The following PDGFD variants were observed in gnomAD, a reference collection of about 807,000 sequenced individuals.
PDGFD encodes platelet derived growth factor D.
In PDGFD, 30 loss-of-function variants were observed where a neutral mutation model predicts 44.7. That is an observed-to-expected ratio of 0.67 (90% CI 0.50 to 0.91). The LOEUF (loss-of-function observed/expected upper bound fraction) is 0.91. PDGFD is among the 40% of genes least tolerant of loss of function. The pLI is 0.00. For missense variants in PDGFD, 445 were observed against 457.8 expected (o/e 0.97, Z 0.25); for synonymous variants, 173 against 168.4 (o/e 1.03, Z -0.21).
In PDGFD at chr11:104,112,625, T is replaced by C. The variant is rs566761725; in HGVS notation, c.124+51179A>G. Among the ~76,000 whole-genome samples the C allele has an allele frequency of 1.3e-4, 20 of 152,184 alleles. No homozygotes were observed. In the South Asian group the frequency reaches 3.9e-3, roughly 30 times the overall value. On this transcript the variant is annotated intron_variant, in intron 1 of 6. Coordinates refer to ENST00000393158, the MANE Select transcript of PDGFD (RefSeq NM_025208.5). ...GGTAAAGACATGGAATCAACCTAAATGCCCATCGATGATAGACTGCATAAA... is the reference window on the plus strand; with the variant it reads ...GGTAAAGACATGGAATCAACCTAAACGCCCATCGATGATAGACTGCATAAA...
chr11:103,911,752 T>G (rs1858031865), intron 6 of PDGFD, among the ~76,000 whole-genome samples: 1 of 151,996 alleles, frequency 6.6e-6, no homozygotes, highest in Non-Finnish European at 1.5e-5. Context: ...GATGAATTGC[T>G]AACTAGAATA....
At chr11:103,929,024 A>G (rs188537601) in intron 5 of PDGFD, among the ~76,000 whole-genome samples, 7 of 152,288 alleles carry the variant, frequency 4.6e-5, no homozygotes, top group Admixed American at 3.9e-4. Flanking sequence ...TACAATTAGC[A>G]GGAAGGGATC....
At chr11:104,014,545 G>T (rs764450644) in intron 1 of PDGFD, among the ~76,000 whole-genome samples, 2 of 152,134 alleles carry the variant, frequency 1.3e-5, no homozygotes, top group Non-Finnish European at 2.9e-5. Context: ...CTTTCTTGTG[G>T]GACCTCCTAC....
intron 6 of PDGFD, among the ~76,000 whole-genome samples, chr11:103,921,383 T>G (rs1858216344): frequency 6.6e-6 from 1 of 152,014 alleles, no homozygotes; most frequent in African/African-American, 2.4e-5. Context: ...ATTTAGGTAC[T>G]TTTTTTTCAA....
chr11:104,001,197 T>C (rs1859614076), intron 1 of PDGFD, among the ~76,000 whole-genome samples: 1 of 152,204 alleles, frequency 6.6e-6, no homozygotes, highest in South Asian at 2.1e-4. Flanking sequence ...CCATCAATCA[T>C]GACTGCATAA....
intron 1 of PDGFD, among the ~76,000 whole-genome samples, chr11:104,095,279 T>A (rs878934322): frequency 6.6e-6 from 1 of 152,046 alleles, no homozygotes; most frequent in South Asian, 2.1e-4. Context: ...ATGGAAAGAG[T>A]TTGACGTTTT....
In PDGFD at chr11:103,985,629, T is replaced by A. The variant is rs1433079560; in HGVS notation, c.510+10436A>T. 5.3e-5 allele frequency among the ~76,000 whole-genome samples: 8 copies of A among 149,686 alleles called. 1 individual carries two copies. Among genetic ancestry groups the A allele is most frequent in the African/African-American group, 2.0e-4 (8 of 39,238 alleles). ...GATGAGGAATCCTGAGGTGACTAGG[T>A]TATCAGGGAATAGTTCTGTTTGTCT... On this transcript the variant is annotated intron_variant, in intron 3 of 6. Coordinates refer to ENST00000393158, the MANE Select transcript of PDGFD (RefSeq NM_025208.5).
At chr11:103,969,058 T>C (rs1051617789) in intron 3 of PDGFD, among the ~76,000 whole-genome samples, 1 of 152,208 alleles carries the variant, frequency 6.6e-6, no homozygotes, top group Non-Finnish European at 1.5e-5. Context: ...TTAGGTCTGA[T>C]GTAGATGCTC....
At chr11:104,037,338 C>T in intron 1 of PDGFD, 6 of 1,614,096 alleles carry the variant, frequency 3.7e-6, no homozygotes, top group Non-Finnish European at 5.1e-6. Flanking sequence ...AAGCCCTGCT[C>T]AGCGGAAGCC....
chr11:103,923,813 T>C (rs1858262411), intron 6 of PDGFD, among the ~76,000 whole-genome samples: 1 of 152,224 alleles, frequency 6.6e-6, no homozygotes, highest in South Asian at 2.1e-4. Context: ...GATGTTTATT[T>C]TTCCTTTCAT....
intron 6 of PDGFD, among the ~76,000 whole-genome samples, chr11:103,910,828 G>C (rs1488053914): frequency 1.3e-5 from 2 of 152,212 alleles, no homozygotes; most frequent in African/African-American, 4.8e-5. Context: ...AAGATCCACT[G>C]GCTTGAAATT....
intron 3 of PDGFD, among the ~76,000 whole-genome samples, chr11:103,976,285 T>G (rs2134348042): frequency 6.6e-6 from 1 of 152,276 alleles, no homozygotes; most frequent in African/African-American, 2.4e-5. Context: ...TTTTTTTCTC[T>G]TTGTAGCGAT....
chr11:104,130,607 C>T (rs1053845661), intron 1 of PDGFD, among the ~76,000 whole-genome samples: 13 of 152,142 alleles, frequency 8.5e-5, no homozygotes, highest in African/African-American at 9.7e-5. Context: ...CTATACTAGC[C>T]TTCTTTCTGT....
At chr11:104,023,386 A>G (rs2134383974) in intron 1 of PDGFD, among the ~76,000 whole-genome samples, 1 of 152,250 alleles carries the variant, frequency 6.6e-6, no homozygotes, top group Middle Eastern at 3.4e-3. Flanking sequence ...AAGGTGAGGT[A>G]TCTGCCATTT....
At chr11:104,003,237 C>T (rs1043911677) in intron 1 of PDGFD, among the ~76,000 whole-genome samples, 8 of 152,198 alleles carry the variant, frequency 5.3e-5, no homozygotes, top group African/African-American at 1.9e-4. Flanking sequence ...ACATATGATC[C>T]TTGCAAGAGG....
intron 1 of PDGFD, among the ~76,000 whole-genome samples, chr11:104,095,322 A>G (rs1273134515): frequency 6.6e-6 from 1 of 152,068 alleles, no homozygotes; most frequent in Admixed American, 6.6e-5. Flanking sequence ...CACTTAGCAC[A>G]GTGCACACAA....
chr11:103,957,881 T>C (rs974678495), intron 3 of PDGFD, among the ~76,000 whole-genome samples: 7 of 152,182 alleles, frequency 4.6e-5, no homozygotes, highest in African/African-American at 7.2e-5. Context: ...ATAGCTTCCA[T>C]GGTGTTTGGT....
At chr11:104,010,654 T>C (rs549958694) in intron 1 of PDGFD, among the ~76,000 whole-genome samples, 4 of 152,248 alleles carry the variant, frequency 2.6e-5, no homozygotes, top group African/African-American at 7.2e-5. Context: ...TGGATAAAGA[T>C]TGACCCAAAA....
At chr11:103,931,970 T>C (rs978777770) in intron 5 of PDGFD, among the ~76,000 whole-genome samples, 4 of 152,172 alleles carry the variant, frequency 2.6e-5, no homozygotes, top group Non-Finnish European at 5.9e-5. Context: ...AAAACCATGC[T>C]CTTGTTCTTC....
Sources: gnomAD v4.1 joint callset for allele counts (sites outside exome capture counted in the v4.1 genomes callset) on GRCh38, gnomAD v4.1.1 for gene constraint, MANE v1.5 for transcripts, NCBI Gene and HGNC (gene_info 2026-07-23, HGNC 2026-07-21) for gene names.